Variants in ABI3BP observed in about 807,000 individuals in gnomAD.
The protein encoded by ABI3BP is target of Nesh-SH3.
ABI3BP carries 216 observed loss-of-function variants against 268.6 expected under a neutral mutation model. That is an observed-to-expected ratio of 0.80 (90% CI 0.72 to 0.90). The LOEUF (loss-of-function observed/expected upper bound fraction) is 0.90, where lower values mean the gene tolerates loss of function less well. Among genes scored for constraint, ABI3BP ranks in the 40% least tolerant of loss-of-function variants. ABI3BP has a pLI of 0.00. For missense variants in ABI3BP, 2,090 were observed against 2,182.4 expected (o/e 0.96, Z 0.84); for synonymous variants, 730 against 730.0 (o/e 1.00, Z 0.00).
chr3:100,983,971 T>C (rs533472212), intron 1 of ABI3BP, among the ~76,000 whole-genome samples: 1 of 152,258 alleles, frequency 6.6e-6, no homozygotes, highest in South Asian at 2.1e-4. Context: ...AAAATCACTT[T>C]TAAATTTACA....
At chr3:100,874,200 G>C (rs1561122648) in intron 9 of ABI3BP, among the ~76,000 whole-genome samples, 1 of 151,860 alleles carries the variant, frequency 6.6e-6, no homozygotes, top group Non-Finnish European at 1.5e-5. Flanking sequence ...GTGGTGGGGG[G>C]TGGTGGGCAG....
At chr3:100,919,960 A>G (rs1247048410) in intron 2 of ABI3BP, among the ~76,000 whole-genome samples, 1 of 152,206 alleles carries the variant, frequency 6.6e-6, no homozygotes, top group East Asian at 1.9e-4. Flanking sequence ...CTTGATAATT[A>G]AGAGATAATA....
At chr3:100,982,384 C>T (rs1222387108) in intron 1 of ABI3BP, among the ~76,000 whole-genome samples, 2 of 152,036 alleles carry the variant, frequency 1.3e-5, no homozygotes, top group African/African-American at 4.8e-5. Context: ...ATTAATGCCA[C>T]CCGAATATTA....
chr3:100,864,123 G>A lies in ABI3BP; in HGVS notation c.1064-47C>T, dbSNP rs992234400. On this transcript the variant is annotated intron_variant, in intron 11 of 67. Transcript: ENST00000471714. ...TTAGCAACTCCTGGACTTGGGTTTT[G>A]ATGTTGTGGCTTAACCATGATCATG... 4.6e-6 allele frequency: 6 copies of A among 1,297,030 alleles called. No homozygotes were observed. In the African/African-American group the frequency reaches 7.4e-5, roughly 16 times the overall value. 80.3% of individuals were successfully genotyped at this position (1,297,030 alleles called of 1,614,324 possible). A position where few individuals can be genotyped will look rare whatever the true frequency, so the allele number is the denominator to read the frequency against.
intron 2 of ABI3BP, among the ~76,000 whole-genome samples, chr3:100,921,088 T>C (rs908330210): frequency 1.6e-4 from 24 of 152,204 alleles, no homozygotes; most frequent in African/African-American, 5.5e-4. Context: ...GAGAGGCCTG[T>C]GCTGAGTGTG....
rs115344697 is a variant in ABI3BP, at chr3:100,893,500, G to T, written c.461+5262C>A. On this transcript the variant is annotated intron_variant, in intron 4 of 67. Coordinates refer to ENST00000471714, the MANE Select transcript of ABI3BP (RefSeq NM_001375547.2). The stretch of plus-strand genomic sequence containing the variant: ...AATGTCAAAGAAAGAAAGAGTTTAA[G>T]AATAGGTTAAGAAGGATAAGGACTG... Among the ~76,000 whole-genome samples the T allele has an allele frequency of 5.0e-3, 766 of 152,232 alleles. 6 individuals carry two copies. The highest frequency in any genetic ancestry group is 0.018 in the African/African-American group (737 of 41,544).
chr3:100,863,950 T>A, intron 12 of ABI3BP, 52 bp downstream of exon 12: 1 of 1,241,674 alleles, frequency 8.1e-7, no homozygotes, highest in South Asian at 1.3e-5. Context: ...CTTTGAAGCA[T>A]GCATACAATA....
intron 48 of ABI3BP, 94 bp from the exon 49 acceptor site, chr3:100,810,571 T>A (rs76010632): frequency 4.9e-6 from 4 of 809,144 alleles, no homozygotes; most frequent in East Asian, 2.8e-5. Context: ...TAGATTTTTT[T>A]AAAATAAAGA....
At chr3:100,909,953 T>A (rs2055515888) in intron 2 of ABI3BP, among the ~76,000 whole-genome samples, 1 of 152,114 alleles carries the variant, frequency 6.6e-6, no homozygotes, top group Non-Finnish European at 1.5e-5. Flanking sequence ...CATTCTACTA[T>A]AAAGACACAT....
At chr3:100,913,575 A>C (rs2057540661) in intron 2 of ABI3BP, among the ~76,000 whole-genome samples, 1 of 152,288 alleles carries the variant, frequency 6.6e-6, no homozygotes, top group East Asian at 1.9e-4. Flanking sequence ...GCAAAATTTC[A>C]TGGTAGCTTG....
At chr3:100,843,729 A>C (rs1388087145) in intron 20 of ABI3BP, 1 of 983,008 alleles carries the variant, frequency 1.0e-6, no homozygotes, top group East Asian at 1.1e-4. Context: ...AATAAACATC[A>C]ATACATGAAA....
At chr3:100,941,534 C>A (rs1185548050) in intron 1 of ABI3BP, among the ~76,000 whole-genome samples, 1 of 152,070 alleles carries the variant, frequency 6.6e-6, no homozygotes, top group Non-Finnish European at 1.5e-5. Context: ...TATCTGTTTG[C>A]CCAGCTGTTT....
chr3:100,894,939 A>C (rs2046648507), intron 4 of ABI3BP, among the ~76,000 whole-genome samples: 1 of 45,050 alleles, frequency 2.2e-5, no homozygotes, highest in Non-Finnish European at 4.0e-5. Flanking sequence ...ATTCCGCTTC[A>C]AAAAAAAAAA....
chr3:100,855,679 G>A lies in ABI3BP; in HGVS notation c.1286-3739C>T, dbSNP rs373935378. Among the ~76,000 whole-genome samples, 5 of 152,310 alleles carry A rather than the reference G, an allele frequency of 3.3e-5. 1 individual carries two copies. The East Asian group carries it at 5.8e-4, about 18-fold the overall frequency. On this transcript the variant is annotated intron_variant, in intron 14 of 67. Coordinates refer to ENST00000471714, the MANE Select transcript of ABI3BP (RefSeq NM_001375547.2). The stretch of plus-strand genomic sequence containing the variant: ...CTTTTAATTATGTTATGATGTGCAC[G>A]TGTGTACACACAAATCTCTTCCTCT...
intron 32 of ABI3BP, among the ~76,000 whole-genome samples, 152 bp from the exon 33 acceptor site, chr3:100,829,816 A>C (rs1440960377): frequency 2.0e-5 from 3 of 151,928 alleles, no homozygotes; most frequent in Non-Finnish European, 2.9e-5. Flanking sequence ...TCTTTTTATC[A>C]TGTAGCTTTT....
chr3:100,844,429 G>A (rs538461869), intron 20 of ABI3BP: 2 of 985,374 alleles, frequency 2.0e-6, no homozygotes, highest in African/African-American at 3.5e-5. Flanking sequence ...AATCAATGTG[G>A]ATTTTTACTC....
At chr3:100,812,599 AAGTGTTCAATGTTAACTGTTAT>A in intron 45 of ABI3BP, 76 bp from the exon 46 acceptor site, 1 of 957,300 alleles carries the variant, frequency 1.0e-6, no homozygotes, top group Non-Finnish European at 1.4e-6. Flanking sequence ...TGCATCCAGT[AAGTGTTCAATGTTAACTGTTAT>A]AGGGTAACAA....
chr3:100,795,121 G>T, intron 53 of ABI3BP, 118 bp from the exon 54 acceptor site: 3 of 622,548 alleles, frequency 4.8e-6, no homozygotes, highest in Non-Finnish European at 7.9e-6. Context: ...AGAAAGTTAA[G>T]TGTGCACACG....
At chr3:100,875,462 T>A in intron 8 of ABI3BP, 46 bp downstream of exon 8, 2 of 1,422,224 alleles carry the variant, frequency 1.4e-6, no homozygotes, top group Admixed American at 3.5e-5. Flanking sequence ...CCTCAAAAGA[T>A]AGCCCGATTT....
Sources: allele counts gnomAD v4.1 joint callset (sites outside exome capture counted in the v4.1 genomes callset), GRCh38; gene constraint gnomAD v4.1.1; transcripts MANE v1.5; gene names NCBI Gene and HGNC (gene_info 2026-07-23, HGNC 2026-07-21).